Variants in GCNT2 observed in about 807,000 individuals in gnomAD.
GCNT2 encodes the protein N-acetyllactosaminide beta-1,6-N-acetylglucosaminyl-transferase.
GCNT2 carries 34 observed loss-of-function variants against 34.2 expected under a neutral mutation model. The observed-to-expected ratio is 1.00, with a 90% CI of 0.76 to 1.32. The LOEUF (loss-of-function observed/expected upper bound fraction) is 1.32, where lower values mean the gene tolerates loss of function less well. Among genes scored for constraint, GCNT2 ranks in the 40% most tolerant of loss-of-function variants. The pLI is 0.00. For missense variants in GCNT2, 584 were observed against 489.4 expected, an observed-to-expected ratio of 1.19 and a Z score of -1.82; for synonymous variants, 212 against 188.0, an observed-to-expected ratio of 1.13 and a Z score of -1.04.
intron 3 of GCNT2, among the ~76,000 whole-genome samples, chr6:10,545,981 C>T (rs1464938710): frequency 6.6e-6 from 1 of 152,156 alleles, no homozygotes; most frequent in African/African-American, 2.4e-5. Flanking sequence ...CTAGAAATGA[C>T]TTGATCTTTT....
At chr6:10,596,680 TA>T (rs1232154626) in intron 3 of GCNT2, among the ~76,000 whole-genome samples, 4 of 151,974 alleles carry the variant, frequency 2.6e-5, no homozygotes, top group African/African-American at 4.8e-5. Context: ...CTCTAACCAT[TA>T]AAGTTCCCTT....
intron 3 of GCNT2, among the ~76,000 whole-genome samples, chr6:10,554,024 G>C (rs547601848): frequency 6.6e-6 from 1 of 152,346 alleles, no homozygotes; most frequent in East Asian, 1.9e-4. Flanking sequence ...TGGCTAGTTT[G>C]GGAATAATTC....
At chr6:10,529,877 T>G (rs755563708) in intron 3 of GCNT2, 41 bp downstream of exon 3, 1 of 1,435,268 alleles carries the variant, frequency 7.0e-7, no homozygotes, top group Non-Finnish European at 9.8e-7. Context: ...GAATAAACAC[T>G]GCATGGTCAA....
At chr6:10,613,737 G>C (rs1197007319) in intron 3 of GCNT2, among the ~76,000 whole-genome samples, 1 of 152,168 alleles carries the variant, frequency 6.6e-6, no homozygotes, top group African/African-American at 2.4e-5. Flanking sequence ...GTGTGTGATG[G>C]TATACAGTGT....
intron 3 of GCNT2, chr6:10,556,340 A>G (rs1166813582): frequency 8.7e-6 from 14 of 1,600,856 alleles, no homozygotes; most frequent in Non-Finnish European, 1.2e-5. Context: ...ATGTTGCAAA[A>G]TAAGAACTCA....
chr6:10,605,361 A>G (rs1242984323), intron 3 of GCNT2, among the ~76,000 whole-genome samples: 1 of 143,456 alleles, frequency 7.0e-6, no homozygotes, highest in East Asian at 2.2e-4. Context: ...GACGCACAGT[A>G]CCACGCCTGG....
At chr6:10,571,884 T>C (rs1763569066) in intron 3 of GCNT2, among the ~76,000 whole-genome samples, 1 of 152,196 alleles carries the variant, frequency 6.6e-6, no homozygotes, top group African/African-American at 2.4e-5. Flanking sequence ...TTAGTGATGA[T>C]TTGCACGCCT....
At position 10,529,136 on chromosome 6, in the gene GCNT2, T is replaced by TG. The variant is rs752543627; in HGVS notation, c.226dup (p.Glu76GlyfsTer15). The TG allele has an allele frequency of 6.2e-7, 1 of 1,614,112 alleles. No homozygotes were observed. The highest frequency in any genetic ancestry group is 8.5e-7 in the Non-Finnish European group (1 of 1,179,962). ...CTACCCTTGATGAAGCTACCTGCTA[T>TG]GAGTACATGGTTCGAAGCCACTATG... is the stretch of plus-strand genomic sequence containing the variant. On this transcript the variant is annotated frameshift_variant, in exon 3 of 5. Coordinates refer to ENST00000495262, the MANE Select transcript of GCNT2 (RefSeq NM_145649.5). LOFTEE classifies it high-confidence loss of function.
At chr6:10,576,471 G>A (rs562569) in intron 3 of GCNT2, among the ~76,000 whole-genome samples, 1 of 152,126 alleles carries the variant, frequency 6.6e-6, no homozygotes, top group Non-Finnish European at 1.5e-5. Context: ...GGTCGTAATC[G>A]TGAGTTTCCT....
intron 3 of GCNT2, among the ~76,000 whole-genome samples, chr6:10,535,473 G>A (rs1034613329): frequency 1.3e-5 from 2 of 152,188 alleles, no homozygotes; most frequent in East Asian, 1.9e-4. Context: ...TTCAGCTGTG[G>A]ATGATTTCCA....
intron 3 of GCNT2, among the ~76,000 whole-genome samples, chr6:10,582,364 A>ATATATAGTATAATATTTAT (rs1392332282): frequency 3.2e-4 from 35 of 109,178 alleles, no homozygotes; most frequent in African/African-American, 1.4e-3. Context: ...ATTAAATATA[A>ATATATAGTATAATATTTAT]TATATACTAT....
chr6:10,525,886 T>C (rs1377921872), intron 1 of GCNT2, among the ~76,000 whole-genome samples: 1 of 152,192 alleles, frequency 6.6e-6, no homozygotes, highest in Non-Finnish European at 1.5e-5. Context: ...CTGCAATGTC[T>C]GGAGGGATAG....
At chr6:10,530,341 G>C (rs1412454081) in intron 3 of GCNT2, 1 of 154,088 alleles carries the variant, frequency 6.5e-6, no homozygotes, top group African/African-American at 2.4e-5. Context: ...CTCCAGCCTG[G>C]GTGACAGATC....
intron 3 of GCNT2, among the ~76,000 whole-genome samples, chr6:10,569,398 C>T (rs561842453): frequency 1.4e-4 from 22 of 152,024 alleles, no homozygotes; most frequent in Non-Finnish European, 3.1e-4. Context: ...CTTGGCTCAC[C>T]GCAGCCTCAA....
intron 3 of GCNT2, among the ~76,000 whole-genome samples, chr6:10,589,046 GGTGTGTGTGTGGT>G (rs1764498828): frequency 7.1e-6 from 1 of 140,668 alleles, no homozygotes; most frequent in Non-Finnish European, 1.5e-5. Flanking sequence ...GTATGTGTAT[GGTGTGTGTGTGGT>G]GTGTGTGTAG....
chr6:10,569,024 A>G (rs1006793826), intron 3 of GCNT2, among the ~76,000 whole-genome samples: 10 of 152,040 alleles, frequency 6.6e-5, no homozygotes, highest in Admixed American at 2.0e-4. Flanking sequence ...TAATGTGAAT[A>G]TCGTATTACC....
chr6:10,557,403 T>G, intron 3 of GCNT2: 1 of 1,291,656 alleles, frequency 7.7e-7, no homozygotes, highest in Non-Finnish European at 1.1e-6. Context: ...GGCTTTAGAA[T>G]AACCAGCCAC....
intron 3 of GCNT2, among the ~76,000 whole-genome samples, chr6:10,532,290 T>G (rs1432901652): frequency 6.6e-6 from 1 of 152,204 alleles, no homozygotes. Context: ...CACCCCGTGT[T>G]AGCAGTAACA....
intron 3 of GCNT2, among the ~76,000 whole-genome samples, chr6:10,530,794 C>A (rs764462872): frequency 1.3e-5 from 2 of 152,124 alleles, no homozygotes; most frequent in Non-Finnish European, 2.9e-5. Context: ...GTGGCTCACA[C>A]CTGTAATCCC....
Sources: allele counts gnomAD v4.1 joint callset (sites outside exome capture counted in the v4.1 genomes callset), GRCh38; gene constraint gnomAD v4.1.1; transcripts MANE v1.5; gene names NCBI Gene and HGNC (gene_info 2026-07-23, HGNC 2026-07-21).